MYO3B: variants seen among roughly 807,000 people sequenced by gnomAD.
MYO3B encodes the protein myosin-IIIb.
In MYO3B, 156 loss-of-function variants were observed where a neutral mutation model predicts 174.6. That is an observed-to-expected ratio of 0.89 (90% CI 0.78 to 1.02). The LOEUF (loss-of-function observed/expected upper bound fraction) is 1.02, where lower values mean the gene tolerates loss of function less well. Among genes scored for constraint, MYO3B ranks in the 50% least tolerant of loss-of-function variants. The probability of loss-of-function intolerance (pLI) is 0.00; values close to 1 mark genes in which losing one functional copy is unlikely to be tolerated. For missense variants in MYO3B, 1,632 were observed against 1,639.4 expected, an observed-to-expected ratio of 1.00 and a Z score of 0.08; for synonymous variants, 563 against 569.1, an observed-to-expected ratio of 0.99 and a Z score of 0.15.
At chr2:170,596,794 T>C (rs1031465474) in intron 32 of MYO3B, among the ~76,000 whole-genome samples, 11 of 152,222 alleles carry the variant, frequency 7.2e-5, no homozygotes, top group Non-Finnish European at 8.8e-5. Flanking sequence ...AAAGAAGCCA[T>C]TGTTCTTAAC....
chr2:170,612,653 G>A (rs749563242), intron 32 of MYO3B, among the ~76,000 whole-genome samples: 42 of 152,180 alleles, frequency 2.8e-4, no homozygotes, highest in Admixed American at 5.2e-4. Flanking sequence ...ACGTAACAGT[G>A]GAGGCAGGAG....
intron 32 of MYO3B, among the ~76,000 whole-genome samples, chr2:170,609,232 T>A (rs73976203): frequency 1.3e-5 from 2 of 152,166 alleles, no homozygotes; most frequent in African/African-American, 2.4e-5. Context: ...ACTGGCATAC[T>A]TAGCTTGTTT....
intron 32 of MYO3B, among the ~76,000 whole-genome samples, chr2:170,648,498 G>A (rs947399137): frequency 6.6e-6 from 1 of 151,434 alleles, no homozygotes; most frequent in African/African-American, 2.4e-5. Flanking sequence ...GGGTGTAGTG[G>A]TATCTGCCTG....
intron 8 of MYO3B, chr2:170,340,769 G>A (rs1221503640): frequency 6.6e-6 from 1 of 152,180 alleles, no homozygotes; most frequent in Non-Finnish European, 1.5e-5. Flanking sequence ...CCTGTCACAT[G>A]AGGATCTTCA....
At chr2:170,214,621 T>C (rs1336883825) in intron 4 of MYO3B, 108 bp from the exon 5 acceptor site, 5 of 1,311,424 alleles carry the variant, frequency 3.8e-6, no homozygotes, top group Non-Finnish European at 5.5e-6. Context: ...TGTAGCCAAA[T>C]GTAGACTTTC....
At chr2:170,521,474 G>C (rs16858671) in intron 30 of MYO3B, among the ~76,000 whole-genome samples, 17,639 of 152,106 alleles carry the variant, frequency 0.12, 1,230 homozygotes, top group Admixed American at 0.2. Context: ...TCTCAACTGA[G>C]GTCTGACTTT....
intron 23 of MYO3B, among the ~76,000 whole-genome samples, chr2:170,459,944 C>CA (rs1186657838): frequency 1.3e-5 from 2 of 152,142 alleles, no homozygotes; most frequent in Non-Finnish European, 2.9e-5. Flanking sequence ...AGCCTGCCCC[C>CA]ACCCGGAACT....
At chr2:170,469,774 A>T (rs1244527712) in intron 25 of MYO3B, among the ~76,000 whole-genome samples, 1 of 152,078 alleles carries the variant, frequency 6.6e-6, no homozygotes, top group Non-Finnish European at 1.5e-5. Context: ...CTCAATTTAG[A>T]TATAATTCAC....
chr2:170,466,609 A>G lies in MYO3B; in HGVS notation c.2912A>G (p.Glu971Gly), dbSNP rs764795702. 1.2e-6 allele frequency: 2 copies of G among 1,614,232 alleles called. No homozygotes were observed. The highest frequency in any genetic ancestry group is 1.7e-6 in the Non-Finnish European group (2 of 1,180,046). Residue 971 changes from glutamate (E) to glycine (G), a missense_variant, in exon 25 of 35, where the codon GAG (glutamate) becomes GGG (glycine). Glu to Gly is a moderately conservative substitution (Grantham distance 98). Transcript: ENST00000408978. ...CGAGAGGCCCTGCAGTTCTCTCGAG[A>G]GAGGGTGCTGGCCCAGCTCCGCTCC... is the stretch of plus-strand genomic sequence containing the variant. ...DDREALQFSR[E>G]RVLAQLRSTG...
intron 30 of MYO3B, among the ~76,000 whole-genome samples, chr2:170,524,242 C>G (rs1688862819): frequency 6.6e-6 from 1 of 152,160 alleles, no homozygotes; most frequent in South Asian, 2.1e-4. Flanking sequence ...TACAGATAAA[C>G]TGAACCTGGG....
chr2:170,410,592 G>GAAAAAAAAAAAAAA (rs59296953), intron 22 of MYO3B, among the ~76,000 whole-genome samples: 2 of 112,524 alleles, frequency 1.8e-5, no homozygotes, highest in African/African-American at 3.4e-5. Flanking sequence ...CAAAAAAAAA[G>GAAAAAAAAAAAAAA]AAAAAAAAAA....
chr2:170,464,305 C>T (rs546702414), intron 24 of MYO3B, among the ~76,000 whole-genome samples: 8 of 140,638 alleles, frequency 5.7e-5, no homozygotes, highest in East Asian at 2.1e-4. Context: ...GCTGAGATTG[C>T]GCCATTGCAG....
intron 22 of MYO3B, among the ~76,000 whole-genome samples, chr2:170,429,089 G>A (rs2094688001): frequency 6.6e-6 from 1 of 152,198 alleles, no homozygotes; most frequent in South Asian, 2.1e-4. Context: ...GGAAGCATAG[G>A]TGTTGCGGGA....
chr2:170,314,508 A>G (rs2093760860), intron 7 of MYO3B, among the ~76,000 whole-genome samples: 1 of 152,198 alleles, frequency 6.6e-6, no homozygotes, highest in African/African-American at 2.4e-5. Flanking sequence ...CTCTCATCTT[A>G]TCACCTTTCA....
At chr2:170,601,272 T>C (rs1694491652) in intron 32 of MYO3B, among the ~76,000 whole-genome samples, 1 of 152,190 alleles carries the variant, frequency 6.6e-6, no homozygotes. Flanking sequence ...TTATTTCATA[T>C]AAGCTGCATC....
At chr2:170,523,354 C>A (rs1196774005) in intron 30 of MYO3B, among the ~76,000 whole-genome samples, 1 of 152,074 alleles carries the variant, frequency 6.6e-6, no homozygotes, top group Admixed American at 6.5e-5. Flanking sequence ...GCCAGGGTAT[C>A]CCTGATCCAG....
At chr2:170,553,174 G>C (rs768239345) in intron 32 of MYO3B, among the ~76,000 whole-genome samples, 1 of 152,180 alleles carries the variant, frequency 6.6e-6, no homozygotes, top group Non-Finnish European at 1.5e-5. Context: ...GTCCCCACTG[G>C]AGTACTGCCT....
chr2:170,556,887 C>A (rs965176301), intron 32 of MYO3B, among the ~76,000 whole-genome samples: 9 of 152,194 alleles, frequency 5.9e-5, no homozygotes, highest in Non-Finnish European at 1.3e-4. Flanking sequence ...TCACTGATAA[C>A]ATGATATTAA....
At chr2:170,266,015 A>G (rs561871483) in intron 7 of MYO3B, among the ~76,000 whole-genome samples, 6 of 152,272 alleles carry the variant, frequency 3.9e-5, no homozygotes, top group African/African-American at 1.4e-4. Flanking sequence ...CCTAGCTGTC[A>G]AGGCAAAAAG....
Sources: gnomAD v4.1 joint callset for allele counts (sites outside exome capture counted in the v4.1 genomes callset) on GRCh38, gnomAD v4.1.1 for gene constraint, MANE v1.5 for transcripts, NCBI Gene and HGNC (gene_info 2026-07-23, HGNC 2026-07-21) for gene names.